The following CSMD1 variants were observed in gnomAD, a reference collection of about 807,000 sequenced individuals.
CSMD1 encodes the protein CUB and Sushi multiple domains 1.
CSMD1 carries 213 observed loss-of-function variants against 417.5 expected under a neutral mutation model. The observed-to-expected ratio is 0.51, with a 90% confidence interval of 0.46 to 0.57. The LOEUF (loss-of-function observed/expected upper bound fraction) is 0.57, where lower values mean the gene tolerates loss of function less well. Among genes scored for constraint, CSMD1 ranks in the 20% least tolerant of loss-of-function variants. The probability of loss-of-function intolerance (pLI) is 0.00; values close to 1 mark genes in which losing one functional copy is unlikely to be tolerated. For missense variants in CSMD1, 6,923 were observed against 4,529.7 expected (o/e 1.53, Z -15.17); for synonymous variants, 2,862 against 1,736.8 (o/e 1.65, Z -16.11).
At chr8:4,808,130 G>C (rs1213618598) in intron 1 of CSMD1, among the ~76,000 whole-genome samples, 1 of 152,188 alleles carries the variant, frequency 6.6e-6, no homozygotes, top group Non-Finnish European at 1.5e-5. Flanking sequence ...CTACACAAAA[G>C]AGGAATCCAC....
intron 1 of CSMD1, among the ~76,000 whole-genome samples, chr8:4,701,748 G>A (rs553690898): frequency 6.9e-6 from 1 of 145,308 alleles, no homozygotes; most frequent in Non-Finnish European, 1.5e-5. Flanking sequence ...ACTTTTAAGT[G>A]TTACTTTCTT....
chr8:4,308,329 T>C (rs1171706239), intron 3 of CSMD1, among the ~76,000 whole-genome samples: 1 of 151,884 alleles, frequency 6.6e-6, no homozygotes, highest in Non-Finnish European at 1.5e-5. Flanking sequence ...GTGTATCTGG[T>C]GTGTATCGTT....
At chr8:4,486,512 A>C (rs1283727198) in intron 2 of CSMD1, among the ~76,000 whole-genome samples, 1 of 151,868 alleles carries the variant, frequency 6.6e-6, no homozygotes, top group Non-Finnish European at 1.5e-5. Flanking sequence ...TGATGTTTAT[A>C]TTGTACATTT....
chr8:2,958,567 T>C (rs563369983), intron 62 of CSMD1, among the ~76,000 whole-genome samples: 2 of 152,328 alleles, frequency 1.3e-5, no homozygotes, highest in Non-Finnish European at 1.5e-5. Context: ...GAATGAGCTA[T>C]GGTCGTGTGT....
intron 10 of CSMD1, among the ~76,000 whole-genome samples, chr8:3,508,502 A>G (rs1796929515): frequency 1.8e-5 from 2 of 112,272 alleles, no homozygotes; most frequent in Admixed American, 9.8e-5. Flanking sequence ...AACTTAAAGT[A>G]TAATAAAAAA....
chr8:3,645,797 C>T (rs1411088109), intron 7 of CSMD1, among the ~76,000 whole-genome samples: 1 of 152,138 alleles, frequency 6.6e-6, no homozygotes, highest in Non-Finnish European at 1.5e-5. Flanking sequence ...CATACCAAAA[C>T]AAAGCTGTCT....
chr8:4,196,726 T>C (rs1260664603), intron 3 of CSMD1, among the ~76,000 whole-genome samples: 1 of 152,118 alleles, frequency 6.6e-6, no homozygotes, highest in African/African-American at 2.4e-5. Flanking sequence ...CCAGGGTAAT[T>C]AGGATGGTCT....
intron 7 of CSMD1, among the ~76,000 whole-genome samples, chr8:3,621,991 A>ATG (rs35068961): frequency 0.45 from 64,928 of 142,814 alleles, 14,427 homozygotes; most frequent in Non-Finnish European, 0.52. Flanking sequence ...GTGTGTGTGT[A>ATG]TGTGTGTGTG....
At chr8:4,196,844 C>A (rs1329272577) in intron 3 of CSMD1, among the ~76,000 whole-genome samples, 1 of 152,130 alleles carries the variant, frequency 6.6e-6, no homozygotes, top group Non-Finnish European at 1.5e-5. Context: ...GATATTTAGC[C>A]TGCACATGCC....
At chr8:4,403,303 C>G (rs1168808075) in intron 3 of CSMD1, among the ~76,000 whole-genome samples, 1 of 152,184 alleles carries the variant, frequency 6.6e-6, no homozygotes, top group Non-Finnish European at 1.5e-5. Flanking sequence ...TTCCCCCTTT[C>G]TACAACTATT....
chr8:3,351,696 G>A (rs76024096), intron 21 of CSMD1, among the ~76,000 whole-genome samples: 4 of 147,904 alleles, frequency 2.7e-5, no homozygotes, highest in African/African-American at 2.5e-5. Context: ...AATGATATAC[G>A]AATAATTGTA....
At chr8:4,028,935 T>G (rs1422558466) in intron 4 of CSMD1, among the ~76,000 whole-genome samples, 4 of 152,166 alleles carry the variant, frequency 2.6e-5, no homozygotes, top group African/African-American at 9.7e-5. Context: ...AACAGTAAAA[T>G]AGTATTTTTG....
intron 17 of CSMD1, among the ~76,000 whole-genome samples, chr8:3,395,395 A>C (rs73657836): frequency 6.6e-6 from 1 of 152,154 alleles, no homozygotes; most frequent in African/African-American, 2.4e-5. Flanking sequence ...TTTTGTTTTA[A>C]TTGGCTAATG....
At chr8:4,364,420 C>A (rs1046918674) in intron 3 of CSMD1, among the ~76,000 whole-genome samples, 1 of 152,132 alleles carries the variant, frequency 6.6e-6, no homozygotes, top group African/African-American at 2.4e-5. Flanking sequence ...CTAGTCCATA[C>A]AAGATTCATT....
intron 18 of CSMD1, among the ~76,000 whole-genome samples, chr8:3,374,052 A>T (rs909277813): frequency 6.6e-6 from 1 of 151,222 alleles, no homozygotes; most frequent in African/African-American, 2.4e-5. Flanking sequence ...TCCCGGGTTC[A>T]AGCAATTCTC....
At chr8:4,268,600 A>C (rs1190325394) in intron 3 of CSMD1, among the ~76,000 whole-genome samples, 1 of 152,184 alleles carries the variant, frequency 6.6e-6, no homozygotes. Context: ...TTATTTTTGC[A>C]AGAGTAGCTA....
intron 1 of CSMD1, among the ~76,000 whole-genome samples, chr8:4,771,754 T>C (rs2117148309): frequency 1.3e-5 from 2 of 152,308 alleles, no homozygotes; most frequent in South Asian, 4.1e-4. Flanking sequence ...ATGATGGCTG[T>C]CATTTCACAG....
intron 3 of CSMD1, among the ~76,000 whole-genome samples, chr8:4,222,485 G>C (rs565277995): frequency 6.6e-6 from 1 of 152,066 alleles, no homozygotes; most frequent in African/African-American, 2.4e-5. Flanking sequence ...CAGTAAGTCA[G>C]TCAATAATAT....
chr8:3,465,265 T>C (rs1000462390), intron 12 of CSMD1, among the ~76,000 whole-genome samples: 2 of 152,140 alleles, frequency 1.3e-5, no homozygotes, highest in Non-Finnish European at 2.9e-5. Flanking sequence ...CTACTTGCTT[T>C]CTGAAAAATG....
Sources: gnomAD v4.1 joint callset for allele counts (sites outside exome capture counted in the v4.1 genomes callset) on GRCh38, gnomAD v4.1.1 for gene constraint, MANE v1.5 for transcripts, NCBI Gene and HGNC (gene_info 2026-07-23, HGNC 2026-07-21) for gene names.